NCAM2: variants seen among roughly 807,000 people sequenced by gnomAD.
NCAM2 encodes neural cell adhesion molecule 2, also known as N-CAM-2.
Under a neutral mutation model 98.1 loss-of-function variants are expected in NCAM2, and 30 were observed. The ratio of observed to expected loss-of-function variants is 0.31; its 90% CI spans 0.23 to 0.41. The LOEUF is 0.41. Ranked by LOEUF, NCAM2 falls within the 10% of genes least tolerant of loss-of-function variation. The pLI is 1.00. For missense variants in NCAM2, 867 were observed against 1,005.8 expected, an observed-to-expected ratio of 0.86 and a Z score of 1.87; for synonymous variants, 368 against 342.4, an observed-to-expected ratio of 1.07 and a Z score of -0.83.
At chr21:21,459,880 T>C (rs2146186108) in intron 12 of NCAM2, among the ~76,000 whole-genome samples, 1 of 151,964 alleles carries the variant, frequency 6.6e-6, no homozygotes, top group South Asian at 2.1e-4. Context: ...TAATAAGAAA[T>C]GTAACTATAG....
At chr21:21,092,110 G>A (rs1317047366) in intron 1 of NCAM2, among the ~76,000 whole-genome samples, 2 of 152,000 alleles carry the variant, frequency 1.3e-5, no homozygotes, top group Admixed American at 6.6e-5. Flanking sequence ...AAAGTTCTCC[G>A]TGATACATGA....
chr21:21,050,451 G>A (rs2065085127), intron 1 of NCAM2, among the ~76,000 whole-genome samples: 1 of 152,164 alleles, frequency 6.6e-6, no homozygotes, highest in Admixed American at 6.5e-5. Flanking sequence ...CACATTGATT[G>A]ATACTGCTTT....
At chr21:21,036,562 G>A (rs1435521729) in intron 1 of NCAM2, among the ~76,000 whole-genome samples, 1 of 152,128 alleles carries the variant, frequency 6.6e-6, no homozygotes, top group African/African-American at 2.4e-5. Flanking sequence ...TATGAAATAT[G>A]AAAACTCAAA....
chr21:21,013,933 A>G (rs2064257789), intron 1 of NCAM2, among the ~76,000 whole-genome samples: 2 of 152,234 alleles, frequency 1.3e-5, no homozygotes, highest in Admixed American at 6.5e-5. Flanking sequence ...ATAGTTGATG[A>G]AGGCAGGACT....
At chr21:21,308,912 C>A (rs1170539305) in intron 5 of NCAM2, among the ~76,000 whole-genome samples, 1 of 151,470 alleles carries the variant, frequency 6.6e-6, no homozygotes. Flanking sequence ...CTAATCTTTT[C>A]TTTGGCAATG....
intron 14 of NCAM2, among the ~76,000 whole-genome samples, chr21:21,475,036 A>G (rs1984984957): frequency 9.5e-6 from 1 of 105,662 alleles, no homozygotes; most frequent in Non-Finnish European, 2.1e-5. Flanking sequence ...CACATATATA[A>G]TGCACATATA....
intron 1 of NCAM2, among the ~76,000 whole-genome samples, chr21:21,154,792 T>C (rs1162265281): frequency 1.3e-5 from 2 of 151,808 alleles, no homozygotes; most frequent in African/African-American, 4.8e-5. Flanking sequence ...TTGTCTTAAA[T>C]ACCATTAGAA....
chr21:21,004,188 A>C (rs2064070404), intron 1 of NCAM2, among the ~76,000 whole-genome samples: 2 of 152,322 alleles, frequency 1.3e-5, no homozygotes, highest in African/African-American at 4.8e-5. Flanking sequence ...TTCAGCTCAA[A>C]GTAAAATATA....
At chr21:21,384,312 C>CT (rs1373965499) in intron 9 of NCAM2, among the ~76,000 whole-genome samples, 1 of 151,032 alleles carries the variant, frequency 6.6e-6, no homozygotes, top group Admixed American at 6.6e-5. Context: ...AGTTTTTTTT[C>CT]TTATGGATCT....
chr21:21,292,214 T>G lies in NCAM2; in HGVS notation c.592T>G (p.Phe198Val), dbSNP rs2073322762. The G allele has an allele frequency of 6.2e-7, 1 of 1,610,036 alleles. No individual in the cohort carries two copies. The highest frequency in any genetic ancestry group is 1.3e-5 in the African/African-American group (1 of 74,630). Residue 198 changes from phenylalanine (F) to valine (V), a missense_variant, in exon 5 of 18, where the codon TTC becomes GTC. Phe to Val is a conservative substitution (Grantham distance 50). This residue lies in a region of NCAM2 where 447 missense variants were observed against 495.7 expected (regional missense o/e 0.90). Transcript: ENST00000400546. ...GRVEARGEID[F>V]RDIIVIVNVP... ...AGTGGAGGCCAGGGGAGAAATTGAC[T>G]TCCGTGATATCATTGTTATTGTTAA...
intron 1 of NCAM2, among the ~76,000 whole-genome samples, chr21:21,174,281 G>A (rs1385800298): frequency 6.6e-6 from 1 of 152,094 alleles, no homozygotes; most frequent in Non-Finnish European, 1.5e-5. Flanking sequence ...CATATTATGT[G>A]ATAGGAGTAC....
chr21:21,103,867 A>G (rs2066292510), intron 1 of NCAM2, among the ~76,000 whole-genome samples: 1 of 152,146 alleles, frequency 6.6e-6, no homozygotes, highest in Non-Finnish European at 1.5e-5. Flanking sequence ...CATCTTGATG[A>G]GAAACATGCA....
At chr21:21,103,772 C>G (rs1346069390) in intron 1 of NCAM2, among the ~76,000 whole-genome samples, 3 of 152,072 alleles carry the variant, frequency 2.0e-5, no homozygotes, top group African/African-American at 4.8e-5. Flanking sequence ...TGTCATGAAA[C>G]AAATAGAGTT....
intron 2 of NCAM2, among the ~76,000 whole-genome samples, chr21:21,282,558 A>T (rs574169934): frequency 1.3e-5 from 2 of 151,836 alleles, no homozygotes; most frequent in South Asian, 2.1e-4. Flanking sequence ...CTCTGCTTGT[A>T]TGTATTTTTC....
chr21:21,255,852 C>T (rs1053060979), intron 1 of NCAM2, among the ~76,000 whole-genome samples: 1 of 152,172 alleles, frequency 6.6e-6, no homozygotes, highest in Non-Finnish European at 1.5e-5. Context: ...GAAATTGGCT[C>T]TTTCCTCAGA....
chr21:21,448,196 A>G (rs1004721094), intron 12 of NCAM2, among the ~76,000 whole-genome samples: 2 of 152,156 alleles, frequency 1.3e-5, no homozygotes, highest in East Asian at 3.9e-4. Context: ...CATAAACACC[A>G]TGGAATACTA....
chr21:21,377,610 G>A (rs1175565635), intron 9 of NCAM2, among the ~76,000 whole-genome samples: 1 of 151,812 alleles, frequency 6.6e-6, no homozygotes, highest in Admixed American at 6.6e-5. Context: ...GGGGTACAAT[G>A]TAATTTTTGT....
At chr21:21,437,474 C>CTGTGTGTGTGTGTGTGTGGGTGTG (rs1978543378) in intron 12 of NCAM2, among the ~76,000 whole-genome samples, 4 of 144,430 alleles carry the variant, frequency 2.8e-5, no homozygotes, top group African/African-American at 1.1e-4. Flanking sequence ...CACCAAGATT[C>CTGTGTGTGTGTGTGTGTGGGTGTG]TGTGTGTGTG....
chr21:21,218,645 C>G (rs1468539689), intron 1 of NCAM2, among the ~76,000 whole-genome samples: 1 of 152,172 alleles, frequency 6.6e-6, no homozygotes, highest in Non-Finnish European at 1.5e-5. Flanking sequence ...TGCAACTTTA[C>G]TGACTTTGAA....
Sources: allele counts gnomAD v4.1 joint callset (sites outside exome capture counted in the v4.1 genomes callset), GRCh38; gene constraint gnomAD v4.1.1; regional missense constraint gnomAD v4.1.1; transcripts MANE v1.5; gene names NCBI Gene and HGNC (gene_info 2026-07-23, HGNC 2026-07-21).